Variants in SPEF2 observed in about 807,000 individuals in gnomAD.
SPEF2 encodes sperm flagellar and cilia associated 2.
Under a neutral mutation model 224.6 loss-of-function variants are expected in SPEF2, and 187 were observed. The observed-to-expected ratio is 0.83, with a 90% CI of 0.74 to 0.94. The LOEUF (loss-of-function observed/expected upper bound fraction) is 0.94, where lower values mean the gene tolerates loss of function less well. Ranked by LOEUF, SPEF2 falls within the 40% of genes least tolerant of loss-of-function variation. The pLI, the probability that SPEF2 is intolerant of heterozygous loss-of-function variation, is 0.00. For missense variants in SPEF2, 2,170 were observed against 2,135.6 expected, an observed-to-expected ratio of 1.02 and a Z score of -0.32; for synonymous variants, 715 against 707.3, an observed-to-expected ratio of 1.01 and a Z score of -0.17.
At chr5:35,691,793 TTTTA>T (rs1405362639) in intron 11 of SPEF2, among the ~76,000 whole-genome samples, 1 of 152,132 alleles carries the variant, frequency 6.6e-6, no homozygotes, top group Non-Finnish European at 1.5e-5. Flanking sequence ...TTTGTTTTAT[TTTTA>T]TTTATTTATT....
chr5:35,671,436 GT>G, intron 10 of SPEF2: 1 of 976,298 alleles, frequency 1.0e-6, no homozygotes, highest in Non-Finnish European at 1.2e-6. Context: ...GTGGATGTTT[GT>G]TTTGTACGGT....
intron 10 of SPEF2, among the ~76,000 whole-genome samples, chr5:35,678,014 G>A (rs1460462021): frequency 6.6e-6 from 1 of 152,216 alleles, no homozygotes; most frequent in African/African-American, 2.4e-5. Flanking sequence ...TCCAGCGTGG[G>A]CCTACAGGCC....
intron 36 of SPEF2, among the ~76,000 whole-genome samples, chr5:35,810,837 T>C (rs887998510): frequency 5.9e-5 from 9 of 152,162 alleles, no homozygotes; most frequent in Non-Finnish European, 7.3e-5. Context: ...AGTGAGTTAG[T>C]TCATTGCCAG....
At chr5:35,685,891 A>T (rs1259357357) in intron 10 of SPEF2, among the ~76,000 whole-genome samples, 1 of 151,886 alleles carries the variant, frequency 6.6e-6, no homozygotes, top group African/African-American at 2.4e-5. Flanking sequence ...AACTGACTTA[A>T]GGCAATCCAG....
intron 20 of SPEF2, among the ~76,000 whole-genome samples, chr5:35,723,961 C>T (rs1198352800): frequency 6.6e-6 from 1 of 152,160 alleles, no homozygotes; most frequent in Non-Finnish European, 1.5e-5. Flanking sequence ...GAAATTCAAC[C>T]ATAGTCTTCT....
chr5:35,779,400 G>C, intron 30 of SPEF2, 54 bp downstream of exon 30: 1 of 1,386,526 alleles, frequency 7.2e-7, no homozygotes, highest in Non-Finnish European at 9.9e-7. Context: ...AGATTAACCA[G>C]GACAGAAATC....
intron 32 of SPEF2, among the ~76,000 whole-genome samples, chr5:35,793,861 T>C (rs1457409671): frequency 6.6e-6 from 1 of 151,690 alleles, no homozygotes; most frequent in African/African-American, 2.4e-5. Context: ...CTGTGGGAAA[T>C]GAAGAGAGAA....
At chr5:35,783,341 T>C (rs1170690233) in intron 30 of SPEF2, among the ~76,000 whole-genome samples, 1 of 152,206 alleles carries the variant, frequency 6.6e-6, no homozygotes, top group Non-Finnish European at 1.5e-5. Flanking sequence ...TAAATTTCTC[T>C]CTGCCTCAGT....
chr5:35,752,788 TGAAG>T (rs1749856373), intron 23 of SPEF2, among the ~76,000 whole-genome samples: 1 of 134,944 alleles, frequency 7.4e-6, no homozygotes, highest in Non-Finnish European at 1.6e-5. Context: ...AATTGTAAAA[TGAAG>T]GTAATAATAC....
At chr5:35,721,525 C>T (rs28619956) in intron 20 of SPEF2, among the ~76,000 whole-genome samples, 7,002 of 152,276 alleles carry the variant, frequency 0.046, 276 homozygotes, top group African/African-American at 0.099. Context: ...AAAAAGCAGT[C>T]TGTAACCTTA....
intron 23 of SPEF2, among the ~76,000 whole-genome samples, chr5:35,741,987 G>T (rs1458055643): frequency 2.0e-5 from 3 of 152,108 alleles, no homozygotes; most frequent in South Asian, 4.1e-4. Context: ...TATGTTTATT[G>T]TAGATAAATT....
At chr5:35,647,278 G>A (rs1176222294) in intron 5 of SPEF2, among the ~76,000 whole-genome samples, 1 of 151,696 alleles carries the variant, frequency 6.6e-6, no homozygotes, top group Non-Finnish European at 1.5e-5. Context: ...AGGGGAAGTG[G>A]AGCCATAATG....
chr5:35,726,634 G>C (rs1371930094), intron 20 of SPEF2, among the ~76,000 whole-genome samples: 1 of 152,098 alleles, frequency 6.6e-6, no homozygotes, highest in Admixed American at 6.6e-5. Flanking sequence ...AGATGTATTT[G>C]CTTTTCTAAA....
chr5:35,769,567 T>C (rs1292807526), intron 26 of SPEF2, among the ~76,000 whole-genome samples: 3 of 152,172 alleles, frequency 2.0e-5, no homozygotes, highest in African/African-American at 7.2e-5. Flanking sequence ...ATTAAGCACC[T>C]ACTGGGCATC....
intron 10 of SPEF2, among the ~76,000 whole-genome samples, chr5:35,672,854 G>A (rs968173234): frequency 5.9e-5 from 9 of 152,086 alleles, no homozygotes; most frequent in Non-Finnish European, 7.4e-5. Flanking sequence ...TTAGAAGCCC[G>A]TGTTCTGTTC....
intron 8 of SPEF2, among the ~76,000 whole-genome samples, chr5:35,661,080 A>C (rs1013979543): frequency 1.3e-5 from 2 of 151,968 alleles, no homozygotes; most frequent in African/African-American, 4.8e-5. Flanking sequence ...TAGCTGGTAC[A>C]TAAGTAGGAG....
chr5:35,734,897 A>G (rs1303490531), intron 21 of SPEF2, among the ~76,000 whole-genome samples: 5 of 151,800 alleles, frequency 3.3e-5, no homozygotes, highest in Admixed American at 6.6e-5. Context: ...TTTTTAATAG[A>G]GATGGGGTTT....
At chr5:35,661,733 A>G (rs1029356172) in intron 8 of SPEF2, among the ~76,000 whole-genome samples, 1 of 152,088 alleles carries the variant, frequency 6.6e-6, no homozygotes, top group Non-Finnish European at 1.5e-5. Context: ...AGCTCAATCC[A>G]TGTCTCTGCA....
At chr5:35,712,673 GTAAAA>G (rs201080907) in intron 19 of SPEF2, 134 bp from the exon 20 acceptor site, 5 of 739,510 alleles carry the variant, frequency 6.8e-6, no homozygotes, top group Non-Finnish European at 1.1e-5. Flanking sequence ...TTAACTCAAA[GTAAAA>G]ACCTGAGCCA....
Sources: gnomAD v4.1 joint callset for allele counts (sites outside exome capture counted in the v4.1 genomes callset) on GRCh38, gnomAD v4.1.1 for gene constraint, MANE v1.5 for transcripts, NCBI Gene and HGNC (gene_info 2026-07-23, HGNC 2026-07-21) for gene names.